Variants in CCDC137 observed in about 807,000 individuals in gnomAD.
The protein encoded by CCDC137 is coiled-coil domain containing 137.
CCDC137 carries 24 observed loss-of-function variants against 30.4 expected under a neutral mutation model. The observed-to-expected ratio is 0.79, with a 90% CI of 0.57 to 1.11. CCDC137 has a LOEUF of 1.11. Among genes scored for constraint, CCDC137 ranks in the 50% least tolerant of loss-of-function variants. The pLI is 0.00. For synonymous variants in CCDC137, 182 were observed against 155.7 expected (o/e 1.17, Z -1.26); for missense variants, 417 against 380.4 (o/e 1.10, Z -0.80).
chr17:81,667,141 A>G, intron 1 of CCDC137: 1 of 407,872 alleles, frequency 2.5e-6, no homozygotes, highest in East Asian at 3.7e-5. Flanking sequence ...GTGGTTCTGG[A>G]CGAGGTCAGG....
chr17:81,673,867 C>G lies in CCDC137; in HGVS notation c.*1163C>G, dbSNP rs77734222. On this transcript the variant is annotated 3_prime_UTR_variant, in exon 6 of 6. Transcript: ENST00000329214. ...GTTTTCTGCCTTCCCCAAGTTTGCA[C>G]TTTCGACATTAAAGTTTACTTTTTA... 2,712 of 152,356 alleles carry G rather than the reference C, an allele frequency of 0.018. 30 individuals carry two copies. Among genetic ancestry groups the G allele is most frequent in the Non-Finnish European group, 0.024 (1,664 of 68,036 alleles). 9.4% of individuals were successfully genotyped at this position (152,356 alleles called of 1,614,324 possible). A position where few individuals can be genotyped will look rare whatever the true frequency, so the allele number is the denominator to read the frequency against.
Position 81,667,712 on chromosome 17 carries a change from C to G in CCDC137, c.135-17C>G, listed in dbSNP as rs749160361. 4.3e-6 allele frequency: 7 copies of G among 1,613,354 alleles called. No individual in the cohort carries two copies. In the African/African-American group the frequency reaches 8.0e-5, roughly 18 times the overall value. ...CTTTACTTGGGACGGGTCTCACCCC[C>G]GTGTTCTTTCTCCCAGCAAAGAGAA... is the stretch of plus-strand genomic sequence containing the variant. On this transcript the variant is annotated splice_polypyrimidine_tract_variant and intron_variant, in intron 1 of 5. Coordinates refer to ENST00000329214, the MANE Select transcript of CCDC137 (RefSeq NM_199287.3).
chr17:81,669,256 G>C (rs2036688752), intron 2 of CCDC137, among the ~76,000 whole-genome samples: 1 of 148,402 alleles, frequency 6.7e-6, no homozygotes, highest in Non-Finnish European at 1.5e-5. Flanking sequence ...AGCAAGTCTT[G>C]TGCCTCAGCC....
intron 2 of CCDC137, among the ~76,000 whole-genome samples, chr17:81,669,347 T>A (rs1225655078): frequency 6.6e-6 from 1 of 150,828 alleles, no homozygotes; most frequent in Non-Finnish European, 1.5e-5. Flanking sequence ...GGTTTTGCCA[T>A]GTTGGCCAGT....
chr17:81,671,744 G>A lies in CCDC137; in HGVS notation c.498G>A (p.Ala166=), dbSNP rs374797770. 27 of 1,612,212 alleles carry A rather than the reference G, an allele frequency of 1.7e-5. No individual in the cohort carries two copies. The South Asian group carries it at 1.8e-4, about 11-fold the overall frequency. ...EKSEQKKAKK[A]FQKRRLDKVR... ...GAGTGACATGTGCTTTCTTCCCCAG[G>A]TTCCAGAAGCGGCGACTAGATAAAG... The change falls in exon 4 of 6, where the codon GCG becomes GCA. Residue 166 remains alanine, a splice_region_variant and synonymous_variant. Transcript: ENST00000329214.
At chr17:81,667,138 T>A in intron 1 of CCDC137, 1 of 410,248 alleles carries the variant, frequency 2.4e-6, no homozygotes, top group Non-Finnish European at 4.1e-6. Flanking sequence ...TTTGTGGTTC[T>A]GGACGAGGTC....
Position 81,672,545 on chromosome 17 carries a change from G to C in CCDC137, c.711G>C (p.Val237=), listed in dbSNP as rs890286699. 2.5e-6 allele frequency: 4 copies of C among 1,569,752 alleles called. No individual in the cohort carries two copies. Among genetic ancestry groups the C allele is most frequent in the Non-Finnish European group, 3.5e-6 (4 of 1,157,398 alleles). The change falls in exon 6 of 6, where the codon GTG becomes GTC. Residue 237 remains valine, a synonymous_variant. Transcript: ENST00000329214. ...GGATGCTTCTGAGCCCCGGTGGTGTGTCCCAGCCTCTGACCGCCTCCCTGG... is the reference window on the plus strand; with the variant it reads ...GGATGCTTCTGAGCCCCGGTGGTGTCTCCCAGCCTCTGACCGCCTCCCTGG... The part of the protein sequence containing the change: ...MLRMLLSPGG[V]SQPLTASLAR...
At chr17:81,672,240 C>CA in intron 5 of CCDC137, 85 bp downstream of exon 5, 2 of 1,385,000 alleles carry the variant, frequency 1.4e-6, no homozygotes, top group Non-Finnish European at 2.0e-6. Context: ...CACGGTGGGT[C>CA]ACACCTGTAA....
Position 81,666,865 on chromosome 17 carries a change from G to C in CCDC137, c.99G>C (p.Gly33=). The change falls in exon 1 of 6, where the codon GGG becomes GGC. Residue 33 remains glycine (G), a synonymous_variant. Coordinates refer to ENST00000329214, the MANE Select transcript of CCDC137 (RefSeq NM_199287.3). ...GGCGGCAGCAAGTGCAGCCGCTGGG[G>C]AAGCAGCGCCCAGCCCCGTGGCCCG... ...ARGRQQVQPL[G]KQRPAPWPGL... 1 of 1,311,014 alleles carries C rather than the reference G, an allele frequency of 7.6e-7. No homozygotes were observed. Among genetic ancestry groups the C allele is most frequent in the Non-Finnish European group, 9.7e-7 (1 of 1,029,190 alleles). The allele number at this position is 1,311,014 out of a possible 1,614,324, so 81.2% of individuals were successfully genotyped here. A position where few individuals can be genotyped will look rare whatever the true frequency, so the allele number is the denominator to read the frequency against.
At chr17:81,671,935 G>T in intron 4 of CCDC137, 109 bp downstream of exon 4, 1 of 1,469,734 alleles carries the variant, frequency 6.8e-7, no homozygotes, top group East Asian at 2.3e-5. Flanking sequence ...GGTTTCCCCT[G>T]GGGTCCACAG....
chr17:81,666,941 G>A (rs1434504245), intron 1 of CCDC137, 41 bp downstream of exon 1: 1 of 1,245,336 alleles, frequency 8.0e-7, no homozygotes, highest in Non-Finnish European at 1.0e-6. Flanking sequence ...CTTCCCCAGA[G>A]AAGGGGACGC....
chr17:81,670,845 T>G lies in CCDC137; in HGVS notation c.497+392T>G, dbSNP rs185843247. On this transcript the variant is annotated intron_variant, in intron 3 of 5. Coordinates refer to ENST00000329214, the MANE Select transcript of CCDC137 (RefSeq NM_199287.3). ...ACACCTTCCTAATTCTCTAAAAGCT[T>G]TGGCCGAGTACAGTGGCTCACGCCT... is the stretch of plus-strand genomic sequence containing the variant. Among the ~76,000 whole-genome samples the G allele has an allele frequency of 2.0e-5, 3 of 152,202 alleles. 1 individual carries two copies. The South Asian group carries it at 6.2e-4, about 32-fold the overall frequency.
At chr17:81,670,526 C>G in intron 3 of CCDC137, 73 bp downstream of exon 3, 1 of 1,310,372 alleles carries the variant, frequency 7.6e-7, no homozygotes, top group East Asian at 2.4e-5. Flanking sequence ...CATGACGGCC[C>G]TCTGCAGGTA....
intron 3 of CCDC137, 100 bp from the exon 4 acceptor site, chr17:81,671,644 C>T: frequency 8.3e-7 from 1 of 1,204,274 alleles, no homozygotes. Flanking sequence ...TGGGTCCCTG[C>T]TCTGCCACAG....
chr17:81,668,350 C>T (rs1014020336), intron 2 of CCDC137, among the ~76,000 whole-genome samples: 1 of 152,118 alleles, frequency 6.6e-6, no homozygotes, highest in Admixed American at 6.6e-5. Flanking sequence ...GAGGAAATTC[C>T]ATCAGGCCCC....
chr17:81,670,181 A>G lies in CCDC137; in HGVS notation c.269-44A>G, dbSNP rs1399351927. ...AATGAGCATGGGTCACCTGCCTGCC[A>G]CTGTCTGCCTCCTGCCTCCTCTGAG... On this transcript the variant is annotated intron_variant, in intron 2 of 5. Transcript: ENST00000329214. 2.7e-6 allele frequency: 4 copies of G among 1,491,496 alleles called. No individual in the cohort carries two copies. In the South Asian group the frequency reaches 4.8e-5, roughly 18 times the overall value. The allele number at this position is 1,491,496 out of a possible 1,614,324, so 92.4% of individuals were successfully genotyped here. A position where few individuals can be genotyped will look rare whatever the true frequency, so the allele number is the denominator to read the frequency against.
At chr17:81,667,010 C>G in intron 1 of CCDC137, 110 bp downstream of exon 1, 1 of 1,141,572 alleles carries the variant, frequency 8.8e-7, no homozygotes, top group Non-Finnish European at 1.1e-6. Context: ...TTCCCCAGGT[C>G]GGGCTCAGTG....
intron 5 of CCDC137, 88 bp from the exon 6 acceptor site, chr17:81,672,407 C>T (rs2036729630): frequency 7.7e-7 from 1 of 1,305,138 alleles, no homozygotes; most frequent in African/African-American, 1.5e-5. Flanking sequence ...AGTGTTCTCG[C>T]TGGCGGGAGA....
At position 81,672,790 on chromosome 17, in the gene CCDC137, C is replaced by A; in HGVS notation, c.*86C>A. The A allele has an allele frequency of 2.3e-6, 3 of 1,301,800 alleles. No homozygotes were observed. The highest frequency in any genetic ancestry group is 3.1e-6 in the Non-Finnish European group (3 of 959,942). The allele number at this position is 1,301,800 out of a possible 1,614,324, so 80.6% of individuals were successfully genotyped here. On this transcript the variant is annotated 3_prime_UTR_variant, in exon 6 of 6. Coordinates refer to ENST00000329214, the MANE Select transcript of CCDC137 (RefSeq NM_199287.3). Reference sequence around the variant, plus strand: ...CTGGGTAGGAGAGAGGCAGGCCATGCCAGCAGTGTGGGGTGAGGCCTCCAG... The same window carrying A: ...CTGGGTAGGAGAGAGGCAGGCCATGACAGCAGTGTGGGGTGAGGCCTCCAG...
Sources: gnomAD v4.1 joint callset for allele counts (sites outside exome capture counted in the v4.1 genomes callset) on GRCh38, gnomAD v4.1.1 for gene constraint, MANE v1.5 for transcripts, NCBI Gene and HGNC (gene_info 2026-07-23, HGNC 2026-07-21) for gene names.